MTMR3: variants seen among roughly 807,000 people sequenced by gnomAD.
The protein encoded by MTMR3 is myotubularin related protein 3.
A neutral mutation model predicts 132.4 loss-of-function variants in MTMR3; 32 were observed. That is an observed-to-expected ratio of 0.24 (90% CI 0.18 to 0.32). The LOEUF (loss-of-function observed/expected upper bound fraction) is 0.32. Among genes scored for constraint, MTMR3 ranks in the 10% least tolerant of loss-of-function variants. The probability of loss-of-function intolerance (pLI) is 1.00; values close to 1 mark genes in which losing one functional copy is unlikely to be tolerated. For synonymous variants in MTMR3, 556 were observed against 550.3 expected (o/e 1.01, Z -0.14); for missense variants, 1,216 against 1,489.6 (o/e 0.82, Z 3.02).
chr22:29,915,269 A>G (rs558661126), intron 1 of MTMR3, among the ~76,000 whole-genome samples: 1 of 152,338 alleles, frequency 6.6e-6, no homozygotes, highest in East Asian at 1.9e-4. Context: ...TTTAACATGA[A>G]TATAACTCTT....
Position 30,012,573 on chromosome 22 carries a change from T to A in MTMR3, c.1317+10T>A. 6.3e-7 allele frequency: 1 copy of A among 1,588,130 alleles called. No homozygotes were observed. Among genetic ancestry groups the A allele is most frequent in the Non-Finnish European group, 8.6e-7 (1 of 1,166,472 alleles). On this transcript the variant is annotated intron_variant, in intron 13 of 19. Transcript: ENST00000401950. ...TTACCGAACCATAGAGGTGAGCCCA[T>A]CCAAATGGGAGGGGTTGGTACTTCA...
chr22:29,883,844 G>C (rs897302397), intron 1 of MTMR3, among the ~76,000 whole-genome samples: 1 of 152,196 alleles, frequency 6.6e-6, no homozygotes, highest in Admixed American at 6.5e-5. Flanking sequence ...TGGGCCTTGT[G>C]GAAAGGAGGA....
intron 1 of MTMR3, among the ~76,000 whole-genome samples, chr22:29,936,426 T>C (rs1200621133): frequency 6.6e-6 from 1 of 152,174 alleles, no homozygotes; most frequent in Non-Finnish European, 1.5e-5. Flanking sequence ...AGCTCAGTAA[T>C]GCAGGGCAAG....
chr22:30,012,247 G>T, intron 12 of MTMR3, 121 bp from the exon 13 acceptor site: 1 of 1,066,878 alleles, frequency 9.4e-7, no homozygotes, highest in Non-Finnish European at 1.3e-6. Context: ...TTTTTGTTTT[G>T]GCAGTGTTAT....
At chr22:29,887,939 C>A (rs1376245907) in intron 1 of MTMR3, among the ~76,000 whole-genome samples, 3 of 152,034 alleles carry the variant, frequency 2.0e-5, no homozygotes, top group Admixed American at 6.6e-5. Context: ...GATTCTGTTA[C>A]AACAGATGGT....
chr22:30,017,833 A>G, intron 15 of MTMR3, 94 bp from the exon 16 acceptor site: 5 of 1,499,444 alleles, frequency 3.3e-6, no homozygotes, highest in Non-Finnish European at 4.6e-6. Flanking sequence ...CCTGTTGGGT[A>G]TTCCAGCTGG....
chr22:29,926,636 C>G (rs560875317), intron 1 of MTMR3, among the ~76,000 whole-genome samples: 1 of 152,218 alleles, frequency 6.6e-6, no homozygotes, highest in African/African-American at 2.4e-5. Context: ...TCCTTGATGC[C>G]TAATGATGCT....
intron 1 of MTMR3, among the ~76,000 whole-genome samples, chr22:29,945,644 G>C (rs2065937923): frequency 1.3e-5 from 2 of 151,402 alleles, no homozygotes; most frequent in African/African-American, 4.9e-5. Context: ...TCCTGAGGCT[G>C]CAGTAAGCTG....
intron 1 of MTMR3, among the ~76,000 whole-genome samples, chr22:29,917,801 G>A (rs2145761888): frequency 6.6e-6 from 1 of 152,140 alleles, no homozygotes; most frequent in South Asian, 2.1e-4. Flanking sequence ...ATACCTTTTT[G>A]GTTTCCTTTT....
intron 1 of MTMR3, among the ~76,000 whole-genome samples, chr22:29,900,927 G>A (rs945034844): frequency 1.3e-5 from 2 of 152,142 alleles, no homozygotes; most frequent in Non-Finnish European, 2.9e-5. Flanking sequence ...CTGGACTCAA[G>A]TGGTTTGCCT....
chr22:30,009,362 T>G (rs2067352541), intron 12 of MTMR3: 1 of 488,586 alleles, frequency 2.0e-6, no homozygotes. Context: ...TTGAAAGGTT[T>G]TAAAATCTGC....
chr22:29,942,389 TCACAGGAC>T (rs752186134), intron 1 of MTMR3, among the ~76,000 whole-genome samples: 2 of 152,134 alleles, frequency 1.3e-5, no homozygotes, highest in Admixed American at 6.5e-5. Flanking sequence ...CAGGGCGAGA[TCACAGGAC>T]CACAGGACCG....
chr22:29,907,400 TAAAA>T (rs917859236), intron 1 of MTMR3, among the ~76,000 whole-genome samples: 65 of 143,796 alleles, frequency 4.5e-4, no homozygotes, highest in Admixed American at 2.2e-3. Flanking sequence ...GACTCTGTCT[TAAAA>T]AAAAAAATTA....
chr22:29,949,619 G>A (rs2066035286), intron 1 of MTMR3, among the ~76,000 whole-genome samples: 1 of 151,382 alleles, frequency 6.6e-6, no homozygotes. Flanking sequence ...GAGTACGTGA[G>A]AATAGGAGCT....
chr22:29,893,906 C>T (rs1361720270), intron 1 of MTMR3, among the ~76,000 whole-genome samples: 5 of 152,172 alleles, frequency 3.3e-5, no homozygotes, highest in South Asian at 2.1e-4. Context: ...AGTGCAGTGG[C>T]GTGATCTCAG....
chr22:29,943,958 G>T (rs1215570755), intron 1 of MTMR3, among the ~76,000 whole-genome samples: 8 of 152,080 alleles, frequency 5.3e-5, no homozygotes, highest in Non-Finnish European at 1.2e-4. Flanking sequence ...CGAGTAGCTG[G>T]GACTACAGGT....
intron 2 of MTMR3, among the ~76,000 whole-genome samples, chr22:29,965,554 A>G (rs1199345642): frequency 1.3e-5 from 2 of 152,162 alleles, no homozygotes; most frequent in African/African-American, 2.4e-5. Flanking sequence ...GCATGGTGGC[A>G]TATGCCTGTA....
chr22:29,905,779 C>G (rs1325931743), intron 1 of MTMR3, among the ~76,000 whole-genome samples: 1 of 151,978 alleles, frequency 6.6e-6, no homozygotes, highest in African/African-American at 2.4e-5. Context: ...ACAGCTTTCC[C>G]CATTTTTGAT....
At chr22:29,916,558 C>T (rs1272246631) in intron 1 of MTMR3, among the ~76,000 whole-genome samples, 1 of 17,294 alleles carries the variant, frequency 5.8e-5, no homozygotes, top group Non-Finnish European at 9.1e-5. Flanking sequence ...TCAGGGATCA[C>T]AGTTCGGTGC....
Sources: allele counts gnomAD v4.1 joint callset (sites outside exome capture counted in the v4.1 genomes callset), GRCh38; gene constraint gnomAD v4.1.1; transcripts MANE v1.5; gene names NCBI Gene and HGNC (gene_info 2026-07-23, HGNC 2026-07-21).